The following SH3GL1 variants were observed in gnomAD, a reference collection of about 807,000 sequenced individuals.
The protein encoded by SH3GL1 is endophilin-A2.
In SH3GL1, 21 loss-of-function variants were observed where a neutral mutation model predicts 48.8. The observed-to-expected ratio is 0.43, with a 90% CI of 0.30 to 0.62. SH3GL1 has a LOEUF of 0.62. SH3GL1 is among the 20% of genes least tolerant of loss of function. The pLI, the probability that SH3GL1 is intolerant of heterozygous loss-of-function variation, is 0.11. For synonymous variants in SH3GL1, 282 were observed against 217.5 expected (o/e 1.30, Z -2.61); for missense variants, 454 against 503.0 (o/e 0.90, Z 0.93).
chr19:4,378,312 G>C (rs1056280577), intron 1 of SH3GL1, among the ~76,000 whole-genome samples: 4 of 152,152 alleles, frequency 2.6e-5, no homozygotes, highest in African/African-American at 9.7e-5. Context: ...CACCGGGACT[G>C]GATGTGGTTC....
chr19:4,373,043 G>C (rs982837574), intron 1 of SH3GL1, among the ~76,000 whole-genome samples: 2 of 152,218 alleles, frequency 1.3e-5, no homozygotes, highest in Admixed American at 6.5e-5. Context: ...GGAGCCTGCA[G>C]GGCATCCGCA....
intron 1 of SH3GL1, among the ~76,000 whole-genome samples, chr19:4,385,972 T>C (rs527758301): frequency 1.9e-3 from 283 of 152,064 alleles, no homozygotes; most frequent in African/African-American, 6.6e-3. Flanking sequence ...GTTCTGGGGG[T>C]TGTCCTTCCT....
chr19:4,392,715 G>T (rs757206819), intron 1 of SH3GL1, among the ~76,000 whole-genome samples: 6 of 152,134 alleles, frequency 3.9e-5, no homozygotes, highest in Admixed American at 2.6e-4. Context: ...GGGAGGCCAA[G>T]GCGGGCGGAT....
At chr19:4,382,297 A>G (rs899750386) in intron 1 of SH3GL1, among the ~76,000 whole-genome samples, 18 of 122,574 alleles carry the variant, frequency 1.5e-4, no homozygotes, top group African/African-American at 5.1e-4. Flanking sequence ...TCGCTCTGTC[A>G]CCCAGGCTGG....
chr19:4,392,058 G>A (rs541968101), intron 1 of SH3GL1, among the ~76,000 whole-genome samples: 26 of 152,316 alleles, frequency 1.7e-4, no homozygotes, highest in African/African-American at 4.8e-4. Flanking sequence ...GGGGGCTTCC[G>A]GAGGTCAGCC....
intron 1 of SH3GL1, among the ~76,000 whole-genome samples, chr19:4,374,992 A>C (rs1437423421): frequency 1.3e-5 from 2 of 152,142 alleles, no homozygotes; most frequent in African/African-American, 4.8e-5. Flanking sequence ...CTCGGCTCTA[A>C]TGACCGGCAG....
chr19:4,363,528 C>T, intron 6 of SH3GL1, 55 bp from the exon 7 acceptor site: 3 of 1,547,594 alleles, frequency 1.9e-6, no homozygotes, highest in Non-Finnish European at 2.7e-6. Flanking sequence ...CCTGTGCCTT[C>T]CCTGACTCCC....
In SH3GL1 at chr19:4,397,358, TC is replaced by T. The variant is rs972300213; in HGVS notation, c.45+2965del. Among the ~76,000 whole-genome samples the T allele has an allele frequency of 1.4e-3, 215 of 152,298 alleles. 2 individuals are homozygous for T. The highest frequency in any genetic ancestry group is 5.0e-3 in the African/African-American group (207 of 41,560). On this transcript the variant is annotated intron_variant, in intron 1 of 9. Coordinates refer to ENST00000269886, the MANE Select transcript of SH3GL1 (RefSeq NM_003025.4). Reference sequence around the variant, plus strand: ...GCCCAGCTAACACCACACTGTCCTTTCCAGGCTTCAAGGCGCCATTCACAGA... The same window carrying T: ...GCCCAGCTAACACCACACTGTCCTTTCAGGCTTCAAGGCGCCATTCACAGA...
rs1973005980 is a variant in SH3GL1, at chr19:4,376,211, C to T, written c.46-9217G>A. Among the ~76,000 whole-genome samples the T allele has an allele frequency of 6.6e-6, 1 of 152,178 alleles. No homozygotes were observed. Among genetic ancestry groups the T allele is most frequent in the Non-Finnish European group, 1.5e-5 (1 of 68,028 alleles). ...TCTTCACCATCTCTAAGATCCCTTC[C>T]ATTTCTGAAGGACTTCCATTTCTTT... is the stretch of plus-strand genomic sequence containing the variant. On this transcript the variant is annotated intron_variant, in intron 1 of 9. Coordinates refer to ENST00000269886, the MANE Select transcript of SH3GL1 (RefSeq NM_003025.4). The surrounding 1 kb of genome is among the most constrained non-coding windows in gnomAD (Gnocchi z 4.3).
chr19:4,371,129 G>A (rs1972891876), intron 1 of SH3GL1, among the ~76,000 whole-genome samples: 1 of 152,384 alleles, frequency 6.6e-6, no homozygotes, highest in Admixed American at 6.5e-5. Context: ...CCTGGGAGAA[G>A]GGGGCTATTC....
At chr19:4,370,393 C>G (rs988836826) in intron 1 of SH3GL1, among the ~76,000 whole-genome samples, 1 of 152,220 alleles carries the variant, frequency 6.6e-6, no homozygotes. Context: ...GTTCCCACCC[C>G]GCATGGCAGG....
At chr19:4,373,288 A>C (rs1972939221) in intron 1 of SH3GL1, among the ~76,000 whole-genome samples, 1 of 152,118 alleles carries the variant, frequency 6.6e-6, no homozygotes, top group African/African-American at 2.4e-5. Context: ...GTCATCACCC[A>C]CTGTGTGTGA....
intron 1 of SH3GL1, among the ~76,000 whole-genome samples, chr19:4,387,963 G>A (rs937476138): frequency 1.3e-5 from 2 of 151,746 alleles, no homozygotes; most frequent in Non-Finnish European, 2.9e-5. Context: ...GAGTTCAAGC[G>A]ATTCTCCCGC....
At chr19:4,387,039 C>T (rs572195258) in intron 1 of SH3GL1, among the ~76,000 whole-genome samples, 2 of 151,778 alleles carry the variant, frequency 1.3e-5, no homozygotes, top group Admixed American at 6.6e-5. Context: ...CGGGTTCACG[C>T]CATACTCCTG....
At position 4,389,103 on chromosome 19, in the gene SH3GL1, ACT is replaced by A. The variant is rs1973288462; in HGVS notation, c.45+11219_45+11220del. 6.6e-6 allele frequency among the ~76,000 whole-genome samples: 1 copy of A among 152,098 alleles called. No individual in the cohort carries two copies. Among genetic ancestry groups the A allele is most frequent in the South Asian group, 2.1e-4 (1 of 4,828 alleles). ...GGGGCCCTGTGGAGGACAGCCCCTC[ACT>A]CTGAGAAGGAGCCCTCTAGCTCAGC... is the stretch of plus-strand genomic sequence containing the variant. On this transcript the variant is annotated intron_variant, in intron 1 of 9. Coordinates refer to ENST00000269886, the MANE Select transcript of SH3GL1 (RefSeq NM_003025.4). The surrounding 1 kb of genome is among the most constrained non-coding windows in gnomAD (Gnocchi z 4.5).
At position 4,389,040 on chromosome 19, in the gene SH3GL1, C is replaced by G. The variant is rs1973287395; in HGVS notation, c.45+11284G>C. 6.6e-6 allele frequency among the ~76,000 whole-genome samples: 1 copy of G among 152,196 alleles called. No homozygotes were observed. The highest frequency in any genetic ancestry group is 2.1e-4 in the South Asian group (1 of 4,836). On this transcript the variant is annotated intron_variant, in intron 1 of 9. Transcript: ENST00000269886. The surrounding 1 kb of genome is among the most constrained non-coding windows in gnomAD (Gnocchi z 4.5). ...CCTGGTCAGATGCCTGGCCAGCGGA[C>G]CAGGGGCTGCTGTTGAGCCACCACC...
intron 1 of SH3GL1, among the ~76,000 whole-genome samples, chr19:4,377,490 G>A (rs530271395): frequency 5.9e-5 from 9 of 152,312 alleles, no homozygotes; most frequent in Admixed American, 3.3e-4. Flanking sequence ...CCACAGTCAC[G>A]AAGACAGGTT....
intron 1 of SH3GL1, among the ~76,000 whole-genome samples, chr19:4,377,902 C>T (rs1973042982): frequency 6.6e-6 from 1 of 152,226 alleles, no homozygotes; most frequent in African/African-American, 2.4e-5. Context: ...TGAAGACTCG[C>T]GTTTGGGTCC....
In SH3GL1 at chr19:4,361,508, G is replaced by T; in HGVS notation, c.*92C>A. ...GGTGGCGCCGGCAGGCTCAGACACC[G>T]CCCTGGCAGCAGGGGCTCCGTGGAA... On this transcript the variant is annotated 3_prime_UTR_variant, in exon 10 of 10. Coordinates refer to ENST00000269886, the MANE Select transcript of SH3GL1 (RefSeq NM_003025.4). 2 of 1,028,288 alleles carry T rather than the reference G, an allele frequency of 1.9e-6. No individual in the cohort carries two copies. Among genetic ancestry groups the T allele is most frequent in the Non-Finnish European group, 2.9e-6 (2 of 701,468 alleles). 63.7% of individuals were successfully genotyped at this position (1,028,288 alleles called of 1,614,324 possible).
Sources: allele counts gnomAD v4.1 joint callset (sites outside exome capture counted in the v4.1 genomes callset), GRCh38; gene constraint gnomAD v4.1.1; non-coding constraint Gnocchi (gnomAD v3.1); transcripts MANE v1.5; gene names NCBI Gene and HGNC (gene_info 2026-07-23, HGNC 2026-07-21).